MDGA2: variants seen among roughly 807,000 people sequenced by gnomAD.
MDGA2 encodes the protein MAM domain-containing glycosylphosphatidylinositol anchor protein 2.
In MDGA2, 40 loss-of-function variants were observed where a neutral mutation model predicts 117.8. That is an observed-to-expected ratio of 0.34 (90% confidence interval 0.26 to 0.44). MDGA2 has a LOEUF of 0.44. MDGA2 is among the 20% of genes least tolerant of loss of function. MDGA2 has a pLI of 1.00. For synonymous variants in MDGA2, 452 were observed against 439.0 expected (o/e 1.03, Z -0.37); for missense variants, 1,123 against 1,250.6 (o/e 0.90, Z 1.54).
chr14:47,393,526 G>A lies in MDGA2; in HGVS notation c.281-91976C>T, dbSNP rs560853509. On this transcript the variant is annotated intron_variant, in intron 1 of 16. Coordinates refer to ENST00000399232, the MANE Select transcript of MDGA2 (RefSeq NM_001113498.3). ...TGTGGGTATAGAGAAAGAGAAAAGT[G>A]GATTTATAATCAGCAGAAGCTAATT... Among the ~76,000 whole-genome samples, 22 of 152,156 alleles carry A rather than the reference G, an allele frequency of 1.4e-4. No individual in the cohort carries two copies. In the East Asian group the frequency reaches 3.9e-3, roughly 27 times the overall value.
intron 14 of MDGA2, among the ~76,000 whole-genome samples, chr14:46,857,098 C>T (rs1205309978): frequency 6.6e-6 from 1 of 152,170 alleles, no homozygotes; most frequent in Non-Finnish European, 1.5e-5. Context: ...CTTTTGTTTA[C>T]ATTGTAAACC....
In MDGA2 at chr14:47,570,500, T is replaced by C. The variant is rs554113593; in HGVS notation, c.280+104017A>G. Reference sequence around the variant, plus strand: ...ATGGAGTTGTTAGAAGATTAAATGATATATTACTTTGTAAGTGATACTTTT... The same window carrying C: ...ATGGAGTTGTTAGAAGATTAAATGACATATTACTTTGTAAGTGATACTTTT... On this transcript the variant is annotated intron_variant, in intron 1 of 16. Transcript: ENST00000399232. Among the ~76,000 whole-genome samples the C allele has an allele frequency of 3.3e-5, 5 of 152,288 alleles. No homozygotes were observed. In the East Asian group the frequency reaches 9.7e-4, roughly 29 times the overall value.
intron 5 of MDGA2, among the ~76,000 whole-genome samples, chr14:47,100,432 T>C (rs1308340330): frequency 1.3e-5 from 2 of 152,152 alleles, no homozygotes; most frequent in Non-Finnish European, 2.9e-5. Flanking sequence ...ACAGCATGTG[T>C]TAATTGAATT....
intron 1 of MDGA2, among the ~76,000 whole-genome samples, chr14:47,472,252 A>C (rs972216088): frequency 2.0e-5 from 3 of 152,170 alleles, no homozygotes; most frequent in African/African-American, 7.2e-5. Context: ...TGACAGGGAC[A>C]CATTCTGAGA....
At chr14:47,606,347 A>G (rs1896743555) in intron 1 of MDGA2, among the ~76,000 whole-genome samples, 1 of 152,246 alleles carries the variant, frequency 6.6e-6, no homozygotes, top group Non-Finnish European at 1.5e-5. Context: ...TTCTGTCAAC[A>G]TCAGTACTCC....
intron 3 of MDGA2, among the ~76,000 whole-genome samples, chr14:47,170,039 G>A (rs531402370): frequency 4.5e-4 from 69 of 152,102 alleles, no homozygotes; most frequent in African/African-American, 1.3e-3. Flanking sequence ...GCAACAATCC[G>A]GAGTTAATCT....
At chr14:47,512,972 A>G (rs1894672899) in intron 1 of MDGA2, among the ~76,000 whole-genome samples, 1 of 146,656 alleles carries the variant, frequency 6.8e-6, no homozygotes. Context: ...ACATTCACAA[A>G]GTTAGTTATT....
chr14:47,164,970 A>C (rs1235266243), intron 3 of MDGA2, among the ~76,000 whole-genome samples: 1 of 152,178 alleles, frequency 6.6e-6, no homozygotes, highest in Non-Finnish European at 1.5e-5. Flanking sequence ...ATGAAGCTGG[A>C]AACCATCATT....
At chr14:47,120,481 G>A (rs946724970) in intron 5 of MDGA2, among the ~76,000 whole-genome samples, 1 of 152,064 alleles carries the variant, frequency 6.6e-6, no homozygotes, top group East Asian at 1.9e-4. Flanking sequence ...TTTGAAATAT[G>A]AACTAAAGCA....
intron 3 of MDGA2, among the ~76,000 whole-genome samples, chr14:47,150,885 C>G (rs1417123658): frequency 6.8e-6 from 1 of 146,700 alleles, no homozygotes; most frequent in Non-Finnish European, 1.5e-5. Context: ...GATTGTGCCA[C>G]TGTACTCCAG....
chr14:47,095,169 C>T (rs1170602113), intron 6 of MDGA2, among the ~76,000 whole-genome samples: 2 of 151,960 alleles, frequency 1.3e-5, no homozygotes, highest in African/African-American at 4.8e-5. Flanking sequence ...ATAAAGAGCA[C>T]ATTTCATTGA....
intron 9 of MDGA2, among the ~76,000 whole-genome samples, chr14:46,933,799 AATAT>A (rs34723414): frequency 0.017 from 1,448 of 85,908 alleles, 20 homozygotes; most frequent in African/African-American, 0.02. Context: ...TTATGTAACA[AATAT>A]ATATATATAT....
intron 1 of MDGA2, among the ~76,000 whole-genome samples, chr14:47,472,220 T>C (rs1406274183): frequency 1.3e-5 from 2 of 152,206 alleles, no homozygotes; most frequent in African/African-American, 4.8e-5. Context: ...ATTCATAGTA[T>C]ATACAGTCAT....
intron 2 of MDGA2, among the ~76,000 whole-genome samples, chr14:47,227,000 C>G (rs1886528846): frequency 6.6e-6 from 1 of 152,054 alleles, no homozygotes; most frequent in Non-Finnish European, 1.5e-5. Flanking sequence ...AAAGCTTTCC[C>G]TCTCTCATAA....
intron 9 of MDGA2, among the ~76,000 whole-genome samples, chr14:46,948,351 G>T (rs1201746844): frequency 6.6e-6 from 1 of 151,974 alleles, no homozygotes; most frequent in Non-Finnish European, 1.5e-5. Context: ...GAGTAAGGAT[G>T]ACCTAGGCTC....
At chr14:47,599,763 G>A (rs1050459176) in intron 1 of MDGA2, among the ~76,000 whole-genome samples, 2 of 152,184 alleles carry the variant, frequency 1.3e-5, no homozygotes, top group Admixed American at 1.3e-4. Flanking sequence ...TGGTCAGTGA[G>A]TGGGTCAGTG....
chr14:47,431,006 T>A (rs1190198341), intron 1 of MDGA2, among the ~76,000 whole-genome samples: 1 of 152,042 alleles, frequency 6.6e-6, no homozygotes, highest in East Asian at 1.9e-4. Flanking sequence ...TTTGCAGCCC[T>A]TATAGTTTTT....
At chr14:47,573,353 A>T (rs1374825124) in intron 1 of MDGA2, among the ~76,000 whole-genome samples, 1 of 152,184 alleles carries the variant, frequency 6.6e-6, no homozygotes, top group Non-Finnish European at 1.5e-5. Context: ...ACTAGCTCTG[A>T]AAAAGTAGCT....
At chr14:47,391,192 C>A (rs1353839510) in intron 1 of MDGA2, among the ~76,000 whole-genome samples, 1 of 152,198 alleles carries the variant, frequency 6.6e-6, no homozygotes, top group South Asian at 2.1e-4. Context: ...CTTCTTACTT[C>A]CTTTCAGTGC....
Sources: gnomAD v4.1 joint callset for allele counts (sites outside exome capture counted in the v4.1 genomes callset) on GRCh38, gnomAD v4.1.1 for gene constraint, MANE v1.5 for transcripts, NCBI Gene and HGNC (gene_info 2026-07-23, HGNC 2026-07-21) for gene names.